GSTO2: variants seen among roughly 807,000 people sequenced by gnomAD.
GSTO2 encodes glutathione S-transferase omega-2.
GSTO2 carries 23 observed loss-of-function variants against 28.4 expected under a neutral mutation model. The observed-to-expected ratio is 0.81, with a 90% CI of 0.58 to 1.15. The LOEUF is 1.15. GSTO2 is among the 50% of genes most tolerant of loss of function. GSTO2 has a pLI of 0.00. For synonymous variants in GSTO2, 109 were observed against 111.0 expected (o/e 0.98, Z 0.11); for missense variants, 298 against 297.8 (o/e 1.00, Z 0.00).
intron 3 of GSTO2, 121 bp downstream of exon 3, chr10:104,275,455 A>C: frequency 2.5e-6 from 2 of 804,636 alleles, no homozygotes; most frequent in Non-Finnish European, 3.9e-6. Context: ...CTTTTTTCGG[A>C]GGCAAAGTCA....
At chr10:104,290,055 A>C (rs533654484) in intron 5 of GSTO2, among the ~76,000 whole-genome samples, 1 of 152,372 alleles carries the variant, frequency 6.6e-6, no homozygotes, top group East Asian at 1.9e-4. Flanking sequence ...TTGAGCTACC[A>C]TATGATCCAG....
At position 104,297,263 on chromosome 10, in the gene GSTO2, G is replaced by A. The variant is rs2282095; in HGVS notation, c.469-315G>A. 197 of 210,540 alleles carry A rather than the reference G, an allele frequency of 9.4e-4. No individual in the cohort carries two copies. The East Asian group carries it at 0.019, about 20-fold the overall frequency. The allele number at this position is 210,540 out of a possible 1,614,324, so 13.0% of individuals were successfully genotyped here. ...ATCCTTGGAAGGCTTAGCACATTGA[G>A]GAGCTGCTCCAGGCTAAGAGGGAGG... On this transcript the variant is annotated intron_variant, in intron 5 of 6. Transcript: ENST00000338595.
Position 104,274,806 on chromosome 10 carries a change from G to A in GSTO2, c.-110G>A, listed in dbSNP as rs1006413194. ...CCAGTAGTTCAAAAATTAAATTTGGGGCAAGGGGTGCGCGCCAGAGCGCAG... is the reference window on the plus strand; with the variant it reads ...CCAGTAGTTCAAAAATTAAATTTGGAGCAAGGGGTGCGCGCCAGAGCGCAG... On this transcript the variant is annotated 5_prime_UTR_variant, in exon 2 of 7. Coordinates refer to ENST00000338595, the MANE Select transcript of GSTO2 (RefSeq NM_183239.2). The A allele has an allele frequency of 1.5e-6, 2 of 1,350,990 alleles. No individual in the cohort carries two copies. The highest frequency in any genetic ancestry group is 2.1e-6 in the Non-Finnish European group (2 of 968,322). The allele number at this position is 1,350,990 out of a possible 1,614,324, so 83.7% of individuals were successfully genotyped here.
chr10:104,296,322 A>G (rs992871663), intron 5 of GSTO2: 49 of 152,244 alleles, frequency 3.2e-4, no homozygotes, highest in African/African-American at 1.2e-3. Context: ...AAAAAGTGTG[A>G]TAGAAACACA....
At chr10:104,279,345 C>T (rs2011866996) in intron 4 of GSTO2, 25 bp from the exon 5 acceptor site, 1 of 1,586,114 alleles carries the variant, frequency 6.3e-7, no homozygotes, top group African/African-American at 1.3e-5. Context: ...GACTTCTCCA[C>T]TGAGAACCTG....
chr10:104,283,549 C>A (rs1001193111), intron 5 of GSTO2, among the ~76,000 whole-genome samples: 1 of 152,232 alleles, frequency 6.6e-6, no homozygotes, highest in East Asian at 1.9e-4. Context: ...TCTTTTGAAC[C>A]CAGGAGTTTG....
At chr10:104,290,172 A>C (rs2012689851) in intron 5 of GSTO2, among the ~76,000 whole-genome samples, 1 of 152,212 alleles carries the variant, frequency 6.6e-6, no homozygotes, top group Non-Finnish European at 1.5e-5. Flanking sequence ...CTAAGATTTG[A>C]AAGCAACCTA....
chr10:104,277,421 T>A (rs2011698376), intron 3 of GSTO2, among the ~76,000 whole-genome samples: 1 of 151,988 alleles, frequency 6.6e-6, no homozygotes, highest in Admixed American at 6.6e-5. Context: ...GTAGCTGGGG[T>A]TACAGGCGCC....
intron 5 of GSTO2, among the ~76,000 whole-genome samples, chr10:104,282,225 C>CAAAAAA (rs71022727): frequency 3.4e-5 from 3 of 88,936 alleles, no homozygotes; most frequent in African/African-American, 7.2e-5. Context: ...GACTCTGTTT[C>CAAAAAA]AAAAAAAAAA....
In GSTO2 at chr10:104,286,217, T is replaced by C. The variant is rs562113388; in HGVS notation, c.468+6746T>C. 4.0e-3 allele frequency among the ~76,000 whole-genome samples: 616 copies of C among 152,196 alleles called. 1 individual carries two copies. Among genetic ancestry groups the C allele is most frequent in the Non-Finnish European group, 5.2e-3 (353 of 67,996 alleles). ...TAATTTCAGAGCGTTTTTTTTATCA[T>C]CCCCCAGAAAAACTGCTCACTTGTA... is the stretch of plus-strand genomic sequence containing the variant. On this transcript the variant is annotated intron_variant, in intron 5 of 6. Coordinates refer to ENST00000338595, the MANE Select transcript of GSTO2 (RefSeq NM_183239.2).
At position 104,277,972 on chromosome 10, in the gene GSTO2, C is replaced by T. The variant is rs2135098595; in HGVS notation, c.222C>T (p.Val74=). The change falls in exon 4 of 7, where the codon GTC becomes GTT. Residue 74 remains valine, a synonymous_variant. Transcript: ENST00000338595. Reference sequence around the variant, plus strand: ...AGCACCCTTTTGGCCACATTCCTGTCCTGGAGACCAGCCAATGTCAACTGA... The same window carrying T: ...AGCACCCTTTTGGCCACATTCCTGTTCTGGAGACCAGCCAATGTCAACTGA... ...YTKHPFGHIP[V]LETSQCQLIY... 2 of 1,614,026 alleles carry T rather than the reference C, an allele frequency of 1.2e-6. No homozygotes were observed. Among genetic ancestry groups the T allele is most frequent in the African/African-American group, 1.3e-5 (1 of 75,038 alleles).
chr10:104,275,370 C>T, intron 3 of GSTO2, 36 bp downstream of exon 3: 1 of 1,594,746 alleles, frequency 6.3e-7, no homozygotes, highest in Non-Finnish European at 8.6e-7. Flanking sequence ...CGAGCAAACC[C>T]AGCGCCTCAC....
Position 104,297,582 on chromosome 10 carries a change from T to G in GSTO2, c.473T>G (p.Leu158Arg), listed in dbSNP as rs763753203. 1.2e-5 allele frequency: 19 copies of G among 1,605,558 alleles called. No individual in the cohort carries two copies. Among genetic ancestry groups the G allele is most frequent in the Non-Finnish European group, 1.6e-5 (19 of 1,172,594 alleles). ...RQEFSNLEEI[L>R]EYQNTTFFGG... ...TTGCTTTGTTTCCATTTTTAGATTC[T>G]TGAGTATCAGAACACCACCTTCTTT... The change falls in exon 6 of 7, where the codon CTT becomes CGT. Residue 158 changes from leucine to arginine, a missense_variant. Transcript: ENST00000338595.
intron 3 of GSTO2, among the ~76,000 whole-genome samples, chr10:104,277,578 G>A (rs918016702): frequency 6.6e-6 from 1 of 152,114 alleles, no homozygotes; most frequent in Non-Finnish European, 1.5e-5. Flanking sequence ...GAGGCACCGC[G>A]CCCGGCCAGC....
At chr10:104,274,286 G>A (rs1387525692) in intron 1 of GSTO2, among the ~76,000 whole-genome samples, 1 of 152,176 alleles carries the variant, frequency 6.6e-6, no homozygotes, top group Non-Finnish European at 1.5e-5. Flanking sequence ...AGGCAACTGA[G>A]GTGTCTAGGG....
At chr10:104,295,181 A>G (rs1251583722) in intron 5 of GSTO2, 1 of 152,156 alleles carries the variant, frequency 6.6e-6, no homozygotes, top group Non-Finnish European at 1.5e-5. Flanking sequence ...ATAAAAATGG[A>G]ATGATTTGTT....
intron 5 of GSTO2, among the ~76,000 whole-genome samples, chr10:104,283,487 A>G (rs2012208405): frequency 6.6e-6 from 1 of 152,174 alleles, no homozygotes; most frequent in South Asian, 2.1e-4. Flanking sequence ...TGAACTGGTC[A>G]TGGCAGTGCG....
intron 5 of GSTO2, among the ~76,000 whole-genome samples, chr10:104,285,519 G>A (rs777605500): frequency 3.9e-5 from 6 of 152,098 alleles, no homozygotes; most frequent in Admixed American, 6.5e-5. Context: ...ACACAATCAC[G>A]GCTCACTGCA....
intron 5 of GSTO2, among the ~76,000 whole-genome samples, chr10:104,293,590 C>G (rs1219776540): frequency 1.7e-5 from 1 of 59,120 alleles, no homozygotes; most frequent in Non-Finnish European, 3.1e-5. Flanking sequence ...TTTTTTGCGA[C>G]AAGGTCTTTC....
Sources: gnomAD v4.1 joint callset for allele counts (sites outside exome capture counted in the v4.1 genomes callset) on GRCh38, gnomAD v4.1.1 for gene constraint, MANE v1.5 for transcripts, NCBI Gene and HGNC (gene_info 2026-07-23, HGNC 2026-07-21) for gene names.